Variants in AGMO observed in about 807,000 individuals in gnomAD.
AGMO encodes alkylglycerol monooxygenase, also known as glyceryl-ether monooxygenase.
AGMO carries 75 observed loss-of-function variants against 60.2 expected under a neutral mutation model. That is an observed-to-expected ratio of 1.25 (90% confidence interval 1.03 to 1.51). AGMO has a LOEUF of 1.51. Among genes scored for constraint, AGMO ranks in the 40% most tolerant of loss-of-function variants. AGMO has a pLI of 0.00. For missense variants in AGMO, 763 were observed against 525.5 expected, an observed-to-expected ratio of 1.45 and a Z score of -4.42; for synonymous variants, 261 against 177.1, an observed-to-expected ratio of 1.47 and a Z score of -3.76.
At chr7:15,403,894 G>A (rs1396902550) in intron 5 of AGMO, among the ~76,000 whole-genome samples, 3 of 151,940 alleles carry the variant, frequency 2.0e-5, no homozygotes, top group Non-Finnish European at 4.4e-5. Context: ...AGGGAAGGAA[G>A]AGAAAGCAGA....
At chr7:15,499,643 CATA>C (rs1385441593) in intron 3 of AGMO, among the ~76,000 whole-genome samples, 1 of 151,566 alleles carries the variant, frequency 6.6e-6, no homozygotes, top group East Asian at 1.9e-4. Context: ...TTCTAAAATC[CATA>C]ATGTCTTAGA....
intron 10 of AGMO, among the ~76,000 whole-genome samples, chr7:15,376,181 C>T (rs1428655163): frequency 6.6e-6 from 1 of 151,918 alleles, no homozygotes; most frequent in Non-Finnish European, 1.5e-5. Context: ...TTTTGGCCCA[C>T]ATTCCTTTTT....
intron 12 of AGMO, chr7:15,306,671 G>T (rs901102655): frequency 3.0e-6 from 1 of 332,662 alleles, no homozygotes; most frequent in Admixed American, 4.4e-5. Flanking sequence ...GCTTCAAATA[G>T]TTAGATTTTA....
At chr7:15,228,928 G>A (rs553130960) in intron 12 of AGMO, among the ~76,000 whole-genome samples, 5 of 152,108 alleles carry the variant, frequency 3.3e-5, no homozygotes, top group East Asian at 3.9e-4. Flanking sequence ...TACTGAGTTC[G>A]ACTGCCAGGA....
At chr7:15,382,221 C>A (rs1474306313) in intron 10 of AGMO, among the ~76,000 whole-genome samples, 1 of 152,126 alleles carries the variant, frequency 6.6e-6, no homozygotes, top group Non-Finnish European at 1.5e-5. Context: ...TCAATAATCT[C>A]TATAACAACT....
chr7:15,199,467 T>C (rs1299496904), downstream of AGMO, among the ~76,000 whole-genome samples: 4 of 152,218 alleles, frequency 2.6e-5, no homozygotes, highest in African/African-American at 4.8e-5. Context: ...TATTAAAGCA[T>C]ATACACATAT....
chr7:15,197,709 A>G (rs1014603051), downstream of AGMO, among the ~76,000 whole-genome samples: 1 of 152,222 alleles, frequency 6.6e-6, no homozygotes, highest in African/African-American at 2.4e-5. Context: ...TTCTGGACTC[A>G]TTCACCCTGT....
intron 5 of AGMO, among the ~76,000 whole-genome samples, chr7:15,417,242 G>A (rs921794631): frequency 1.3e-5 from 2 of 152,150 alleles, no homozygotes; most frequent in African/African-American, 4.8e-5. Flanking sequence ...TTTTGAAGTG[G>A]AAATGAAGCC....
chr7:15,132,278 T>C, the AGMO span, among the ~76,000 whole-genome samples: 1 of 152,166 alleles, frequency 6.6e-6, no homozygotes, highest in Non-Finnish European at 1.5e-5. Context: ...ATGAAATACT[T>C]CAATATTTCA....
chr7:15,324,065 A>G (rs1781263076), intron 12 of AGMO, among the ~76,000 whole-genome samples: 1 of 152,210 alleles, frequency 6.6e-6, no homozygotes, highest in Admixed American at 6.5e-5. Context: ...TGCTGTAACA[A>G]TGTATTAGAG....
chr7:15,240,897 A>C (rs1461071561), intron 12 of AGMO, among the ~76,000 whole-genome samples: 2 of 152,150 alleles, frequency 1.3e-5, no homozygotes, highest in African/African-American at 4.8e-5. Context: ...AGTTCAGTGG[A>C]GTTAATTCAT....
intron 12 of AGMO, among the ~76,000 whole-genome samples, chr7:15,241,555 G>A (rs1020198425): frequency 1.5e-4 from 23 of 149,402 alleles, no homozygotes; most frequent in South Asian, 4.3e-4. Flanking sequence ...GCAAGGTTCC[G>A]TTCTTTTGAC....
chr7:15,516,843 C>T (rs570624327), intron 3 of AGMO, among the ~76,000 whole-genome samples: 24 of 151,858 alleles, frequency 1.6e-4, no homozygotes, highest in Admixed American at 1.4e-3. Context: ...GTCTGAATTC[C>T]TTCTGGCTCT....
chr7:15,302,657 A>G (rs559379273), intron 12 of AGMO, among the ~76,000 whole-genome samples: 1 of 152,276 alleles, frequency 6.6e-6, no homozygotes, highest in African/African-American at 2.4e-5. Flanking sequence ...ATTTTCTAAT[A>G]TATTAGCTGT....
At position 15,365,273 on chromosome 7, in the gene AGMO, C is replaced by T. The variant is rs951857255; in HGVS notation, c.1263+241G>A. Among the ~76,000 whole-genome samples the T allele has an allele frequency of 2.0e-5, 3 of 149,904 alleles. No homozygotes were observed. The Admixed American group carries it at 2.0e-4, about 10-fold the overall frequency. On this transcript the variant is annotated intron_variant, in intron 12 of 12. Transcript: ENST00000342526. ...TAAAGGTTGTGTAATGTAATGTGTCCAACAACTCTATGAGGTTGATGATAT... is the reference window on the plus strand; with the variant it reads ...TAAAGGTTGTGTAATGTAATGTGTCTAACAACTCTATGAGGTTGATGATAT...
intron 12 of AGMO, among the ~76,000 whole-genome samples, chr7:15,293,147 C>G (rs990750172): frequency 6.6e-6 from 1 of 152,070 alleles, no homozygotes; most frequent in Non-Finnish European, 1.5e-5. Flanking sequence ...TTTCATGGTA[C>G]AGGCTCAACA....
chr7:15,360,159 T>C (rs1782692805), intron 12 of AGMO, among the ~76,000 whole-genome samples: 1 of 152,240 alleles, frequency 6.6e-6, no homozygotes. Context: ...GTACTACTTT[T>C]ATTATTCTCA....
chr7:15,428,956 A>C (rs1187907301), intron 4 of AGMO, among the ~76,000 whole-genome samples: 1 of 152,068 alleles, frequency 6.6e-6, no homozygotes, highest in East Asian at 1.9e-4. Flanking sequence ...GGCTGTATTA[A>C]TGCAGCAATT....
At chr7:15,485,077 C>G (rs1362384104) in intron 3 of AGMO, among the ~76,000 whole-genome samples, 1 of 145,038 alleles carries the variant, frequency 6.9e-6, no homozygotes, top group South Asian at 2.2e-4. Context: ...GCGGGTGGAT[C>G]ATCGAGGTGA....
Sources: gnomAD v4.1 joint callset for allele counts (sites outside exome capture counted in the v4.1 genomes callset) on GRCh38, gnomAD v4.1.1 for gene constraint, MANE v1.5 for transcripts, NCBI Gene and HGNC (gene_info 2026-07-23, HGNC 2026-07-21) for gene names.